Variants in BRAF observed in about 807,000 individuals in gnomAD.
BRAF encodes B-Raf proto-oncogene, serine/threonine kinase.
A neutral mutation model predicts 104.6 loss-of-function variants in BRAF; 16 were observed. The ratio of observed to expected loss-of-function variants is 0.15; its 90% CI spans 0.10 to 0.23. The LOEUF is 0.23. Among genes scored for constraint, BRAF ranks in the 10% least tolerant of loss-of-function variants. The probability of loss-of-function intolerance (pLI) is 1.00; values close to 1 mark genes in which losing one functional copy is unlikely to be tolerated. For missense variants in BRAF, 541 were observed against 937.3 expected (o/e 0.58, Z 5.52); for synonymous variants, 310 against 341.6 (o/e 0.91, Z 1.02).
intron 1 of BRAF, among the ~76,000 whole-genome samples, chr7:140,861,461 G>A (rs1185277701): frequency 6.6e-6 from 1 of 152,210 alleles, no homozygotes; most frequent in Non-Finnish European, 1.5e-5. Context: ...GTACACATAT[G>A]ATCTCTACAT....
intron 19 of BRAF, among the ~76,000 whole-genome samples, chr7:140,729,159 C>T (rs1320193616): frequency 1.3e-5 from 2 of 151,740 alleles, no homozygotes; most frequent in East Asian, 3.9e-4. Flanking sequence ...CACTTGAGAC[C>T]AGCAGGTTGA....
chr7:140,780,893 G>A (rs1800805505), intron 12 of BRAF: 1 of 152,116 alleles, frequency 6.6e-6, no homozygotes, highest in South Asian at 2.1e-4. Context: ...TAACTAGTAA[G>A]GCTGAACATT....
intron 1 of BRAF, among the ~76,000 whole-genome samples, chr7:140,881,994 GAC>G (rs1278317253): frequency 6.6e-6 from 1 of 152,144 alleles, no homozygotes; most frequent in Non-Finnish European, 1.5e-5. Flanking sequence ...ACTAAAATGT[GAC>G]ACAGAGACAC....
At chr7:140,761,323 C>T (rs1288168884) in intron 14 of BRAF, among the ~76,000 whole-genome samples, 1 of 152,078 alleles carries the variant, frequency 6.6e-6, no homozygotes, top group Non-Finnish European at 1.5e-5. Context: ...AAATACTTTA[C>T]AGACAAGCAA....
chr7:140,795,689 AAAGAT>A (rs754788427), intron 7 of BRAF, among the ~76,000 whole-genome samples: 5 of 152,210 alleles, frequency 3.3e-5, no homozygotes, highest in South Asian at 2.1e-4. Flanking sequence ...GCATATTATT[AAAGAT>A]AAGGAAAGAA....
At chr7:140,886,474 C>G (rs1813575273) in intron 1 of BRAF, among the ~76,000 whole-genome samples, 1 of 152,230 alleles carries the variant, frequency 6.6e-6, no homozygotes, top group Non-Finnish European at 1.5e-5. Context: ...TCATCCCAGC[C>G]TACCTCCTGC....
At chr7:140,882,739 T>A (rs1191224963) in intron 1 of BRAF, among the ~76,000 whole-genome samples, 2 of 147,182 alleles carry the variant, frequency 1.4e-5, no homozygotes, top group Admixed American at 1.4e-4. Context: ...ACGCTTGTAA[T>A]GCCAGCACTT....
intron 1 of BRAF, among the ~76,000 whole-genome samples, chr7:140,908,068 T>C (rs1454393231): frequency 1.3e-5 from 2 of 152,188 alleles, no homozygotes; most frequent in African/African-American, 2.4e-5. Context: ...TAAGAGTCTT[T>C]TGTTCTTCAA....
At chr7:140,867,609 G>A (rs1165508510) in intron 1 of BRAF, among the ~76,000 whole-genome samples, 1 of 152,042 alleles carries the variant, frequency 6.6e-6, no homozygotes, top group African/African-American at 2.4e-5. Flanking sequence ...CGGGGTGGGT[G>A]GCTATTCATT....
In BRAF at chr7:140,721,185, C is replaced by T. The variant is rs1225188013; in HGVS notation, c.*5309G>A. 9.4e-7 allele frequency: 1 copy of T among 1,069,094 alleles called. No individual in the cohort carries two copies. Among genetic ancestry groups the T allele is most frequent in the East Asian group, 5.0e-5 (1 of 20,182 alleles). 66.2% of individuals were successfully genotyped at this position (1,069,094 alleles called of 1,614,324 possible). A position where few individuals can be genotyped will look rare whatever the true frequency, so the allele number is the denominator to read the frequency against. On this transcript the variant is annotated 3_prime_UTR_variant, in exon 20 of 20. Transcript: ENST00000644969. ...TTCAAAATAGCTAAATAAATGTCAA[C>T]ATTTTAATAAAGCTGATTTAGTAAT...
intron 14 of BRAF, among the ~76,000 whole-genome samples, chr7:140,763,317 C>T (rs1419856209): frequency 6.7e-6 from 1 of 148,940 alleles, no homozygotes; most frequent in African/African-American, 2.5e-5. Context: ...CTGGACAGGG[C>T]GGCTGGCCGG....
chr7:140,879,780 G>C (rs1235671718), intron 1 of BRAF, among the ~76,000 whole-genome samples: 2 of 151,228 alleles, frequency 1.3e-5, no homozygotes, highest in East Asian at 3.9e-4. Flanking sequence ...GCCCAGGGTG[G>C]GAGTACAGTG....
chr7:140,757,300 T>TG (rs1224945420), intron 14 of BRAF, among the ~76,000 whole-genome samples: 1 of 151,570 alleles, frequency 6.6e-6, no homozygotes, highest in African/African-American at 2.4e-5. Context: ...TGACTAGGAT[T>TG]TTTTTTTTGA....
chr7:140,900,710 A>C (rs1190045263), intron 1 of BRAF, among the ~76,000 whole-genome samples: 1 of 152,168 alleles, frequency 6.6e-6, no homozygotes, highest in Non-Finnish European at 1.5e-5. Flanking sequence ...TCCCGGATTC[A>C]AGTGATTCTT....
chr7:140,872,087 T>C (rs1484733312), intron 1 of BRAF, among the ~76,000 whole-genome samples: 1 of 152,090 alleles, frequency 6.6e-6, no homozygotes, highest in Admixed American at 6.6e-5. Context: ...TGGTGTCACA[T>C]GCCTGCAGTC....
chr7:140,738,674 T>G (rs932663340), intron 18 of BRAF, among the ~76,000 whole-genome samples: 2 of 152,174 alleles, frequency 1.3e-5, no homozygotes, highest in Non-Finnish European at 2.9e-5. Context: ...TGGAATGCAG[T>G]GGTGTCATCT....
chr7:140,769,646 TGTAA>T (rs1562950952), intron 14 of BRAF, among the ~76,000 whole-genome samples: 1 of 152,220 alleles, frequency 6.6e-6, no homozygotes, highest in African/African-American at 2.4e-5. Flanking sequence ...TTCTACTGTA[TGTAA>T]GTGCCAATAT....
chr7:140,834,506 G>C, intron 3 of BRAF, 103 bp downstream of exon 3: 1 of 1,487,658 alleles, frequency 6.7e-7, no homozygotes, highest in Middle Eastern at 1.9e-4. Context: ...GCCTCTATTT[G>C]CATGACCTCT....
At chr7:140,802,459 G>C (rs1283646939) in intron 5 of BRAF, among the ~76,000 whole-genome samples, 1 of 151,854 alleles carries the variant, frequency 6.6e-6, no homozygotes, top group Admixed American at 6.6e-5. Flanking sequence ...ACTAGGCCTG[G>C]CTAATTTTCC....
Sources: gnomAD v4.1 joint callset for allele counts (sites outside exome capture counted in the v4.1 genomes callset) on GRCh38, gnomAD v4.1.1 for gene constraint, MANE v1.5 for transcripts, NCBI Gene and HGNC (gene_info 2026-07-23, HGNC 2026-07-21) for gene names.